The following TMEM14C variants were observed in gnomAD, a reference collection of about 807,000 sequenced individuals.
TMEM14C encodes the protein chromosome 6 open reading frame 53.
In TMEM14C, 13 loss-of-function variants were observed where a neutral mutation model predicts 14.8. The ratio of observed to expected loss-of-function variants is 0.88; its 90% CI spans 0.57 to 1.40. The LOEUF (loss-of-function observed/expected upper bound fraction) is 1.40. Ranked by LOEUF, TMEM14C falls within the 40% of genes most tolerant of loss-of-function variation. The pLI is 0.00. For synonymous variants in TMEM14C, 57 were observed against 51.3 expected, an observed-to-expected ratio of 1.11 and a Z score of -0.48; for missense variants, 142 against 138.8, an observed-to-expected ratio of 1.02 and a Z score of -0.12.
At chr6:10,729,957 G>T (rs1343329812) in intron 5 of TMEM14C, among the ~76,000 whole-genome samples, 3 of 152,096 alleles carry the variant, frequency 2.0e-5, no homozygotes, top group Admixed American at 6.6e-5. Flanking sequence ...AATTAGCCGG[G>T]CATGGTGGTG....
chr6:10,725,851 C>T (rs924943841), intron 3 of TMEM14C, 56 bp from the exon 4 acceptor site: 11 of 1,606,818 alleles, frequency 6.8e-6, no homozygotes, highest in African/African-American at 6.7e-5. Context: ...TGGGGGATTC[C>T]GTTAGTGAAA....
At chr6:10,724,496 G>A (rs1581597537) in intron 1 of TMEM14C, 74 bp from the exon 2 acceptor site, 2 of 974,198 alleles carry the variant, frequency 2.1e-6, no homozygotes, top group South Asian at 2.8e-5. Flanking sequence ...GTAGCTTGCA[G>A]GTTGGACACA....
chr6:10,727,055 T>A (rs11963326), intron 4 of TMEM14C, among the ~76,000 whole-genome samples: 3,773 of 152,238 alleles, frequency 0.025, 161 homozygotes, highest in African/African-American at 0.086. Flanking sequence ...TGAGCCTGCA[T>A]TTTCCCTTTC....
In TMEM14C at chr6:10,728,813, T is replaced by A. The variant is rs754530864; in HGVS notation, c.287+86T>A. 14 of 1,594,396 alleles carry A rather than the reference T, an allele frequency of 8.8e-6. No individual in the cohort carries two copies. In the South Asian group the frequency reaches 1.6e-4, roughly 18 times the overall value. On this transcript the variant is annotated intron_variant, in intron 5 of 5. Transcript: ENST00000229563. ...TTATGCATTCAAAACCTTACTTGTTTCAGGATATCTGATGCTATGTATCAA... is the reference window on the plus strand; with the variant it reads ...TTATGCATTCAAAACCTTACTTGTTACAGGATATCTGATGCTATGTATCAA...
At chr6:10,728,602 T>G in intron 4 of TMEM14C, 38 bp from the exon 5 acceptor site, 1 of 1,604,170 alleles carries the variant, frequency 6.2e-7, no homozygotes, top group Middle Eastern at 2.0e-4. Flanking sequence ...GTAGAAGATG[T>G]AATGAGTTTT....
rs914212948 is a variant in TMEM14C at position 10,723,211 on chromosome 6, C to T, written c.-75C>T. On this transcript the variant is annotated 5_prime_UTR_variant, in exon 1 of 6. Coordinates refer to ENST00000229563, the MANE Select transcript of TMEM14C (RefSeq NM_016462.4). ...CAGTCATTCCTGCGGCTTGCGCGCCCTTGTAGACAGCCGGGGCCTTCGTGA... is the reference window on the plus strand; with the variant it reads ...CAGTCATTCCTGCGGCTTGCGCGCCTTTGTAGACAGCCGGGGCCTTCGTGA... The T allele has an allele frequency of 6.6e-6, 1 of 152,306 alleles. No individual in the cohort carries two copies. Among genetic ancestry groups the T allele is most frequent in the African/African-American group, 2.4e-5 (1 of 41,476 alleles). 9.4% of individuals were successfully genotyped at this position (152,306 alleles called of 1,614,324 possible). A position where few individuals can be genotyped will look rare whatever the true frequency, so the allele number is the denominator to read the frequency against.
rs144942075 is a variant in TMEM14C, at chr6:10,725,976, C to A, written c.167C>A (p.Ser56Tyr). The A allele has an allele frequency of 1.0e-3, 1,684 of 1,614,138 alleles. 3 individuals carry two copies. Among genetic ancestry groups the A allele is most frequent in the Non-Finnish European group, 1.3e-3 (1,504 of 1,180,020 alleles). Residue 56 changes from serine (S) to tyrosine (Y), a missense_variant, in exon 4 of 6, where the codon TCT (serine) becomes TAT (tyrosine). Physicochemically the swap from Ser to Tyr is moderately radical, Grantham distance 144. Transcript: ENST00000229563. ...GCCGGCCTGGGTGCTTACCAGCTGT[C>A]TCAGGATCCAAGGAACGTTTGGGTT... ...SLAGLGAYQL[S>Y]QDPRNVWVFL... is the part of the protein sequence containing the mutation.
Position 10,725,951 on chromosome 6 carries a change from G to A in TMEM14C, c.142G>A (p.Ala48Thr). 6.2e-7 allele frequency: 1 copy of A among 1,614,116 alleles called. No homozygotes were observed. The highest frequency in any genetic ancestry group is 8.5e-7 in the Non-Finnish European group (1 of 1,180,020). Residue 48 changes from alanine to threonine, a missense_variant, in exon 4 of 6, where the codon GCC (alanine) becomes ACC (threonine). Coordinates refer to ENST00000229563, the MANE Select transcript of TMEM14C (RefSeq NM_016462.4). ...TGCAGGGCTGCTCTTTGGCAGTCTA[G>A]CCGGCCTGGGTGCTTACCAGCTGTC... ...LAAGLLFGSL[A>T]GLGAYQLSQD...
chr6:10,728,069 G>T (rs971676868), intron 4 of TMEM14C, among the ~76,000 whole-genome samples: 4 of 152,128 alleles, frequency 2.6e-5, no homozygotes, highest in African/African-American at 4.8e-5. Flanking sequence ...CCTGGAATGG[G>T]CCTTCCCATC....
At chr6:10,727,926 C>T (rs1288704143) in intron 4 of TMEM14C, among the ~76,000 whole-genome samples, 2 of 152,184 alleles carry the variant, frequency 1.3e-5, no homozygotes, top group African/African-American at 2.4e-5. Context: ...CCAGTATGGC[C>T]TTCAAGGCTC....
chr6:10,726,914 A>C (rs370945606), intron 4 of TMEM14C, among the ~76,000 whole-genome samples: 2 of 152,136 alleles, frequency 1.3e-5, no homozygotes, highest in Non-Finnish European at 2.9e-5. Flanking sequence ...GGGAGAAGCC[A>C]TGTGATCTGT....
Position 10,727,294 on chromosome 6 carries a change from G to A in TMEM14C, c.199+1286G>A, listed in dbSNP as rs139333868. Among the ~76,000 whole-genome samples the A allele has an allele frequency of 3.2e-3, 489 of 151,954 alleles. 5 individuals carry two copies. The East Asian group carries it at 0.037, about 11-fold the overall frequency. On this transcript the variant is annotated intron_variant, in intron 4 of 5. Transcript: ENST00000229563. ...CTTGTATTTGTATTCCTCCTTTTAG[G>A]TGGATCCCCGCATTGATATTCAGAT...
rs1236262262 is a variant in TMEM14C, at chr6:10,731,010, G to GA, written c.*351dup. ...CATTCCCTGCTCTGAGGAACAGTGT[G>GA]AAAAAAAGTCTTTTAGGAGATTTAC... On this transcript the variant is annotated 3_prime_UTR_variant, in exon 6 of 6. Coordinates refer to ENST00000229563, the MANE Select transcript of TMEM14C (RefSeq NM_016462.4). The GA allele has an allele frequency of 2.0e-6, 2 of 1,003,142 alleles. No homozygotes were observed. The highest frequency in any genetic ancestry group is 2.4e-6 in the Non-Finnish European group (2 of 841,898). 62.1% of individuals were successfully genotyped at this position (1,003,142 alleles called of 1,614,324 possible).
At position 10,724,823 on chromosome 6, in the gene TMEM14C, A is replaced by G; in HGVS notation, c.21-138A>G. On this transcript the variant is annotated intron_variant, in intron 2 of 5. Coordinates refer to ENST00000229563, the MANE Select transcript of TMEM14C (RefSeq NM_016462.4). Reference sequence around the variant, plus strand: ...CTTTGCTGAGTTGTGTGACTCTCAGAAAGTCATCCAACCTCTGTGGTCCTT... The same window carrying G: ...CTTTGCTGAGTTGTGTGACTCTCAGGAAGTCATCCAACCTCTGTGGTCCTT... The G allele has an allele frequency of 3.0e-6, 4 of 1,340,498 alleles. No individual in the cohort carries two copies. The South Asian group carries it at 4.9e-5, about 16-fold the overall frequency. 83.0% of individuals were successfully genotyped at this position (1,340,498 alleles called of 1,614,324 possible).
intron 4 of TMEM14C, among the ~76,000 whole-genome samples, chr6:10,727,827 T>TA (rs199534385): frequency 0.02 from 2,960 of 147,278 alleles, 37 homozygotes; most frequent in South Asian, 0.048. Context: ...TCTCAAAAAT[T>TA]AAAAAAAAAA....
chr6:10,724,665 G>A, intron 2 of TMEM14C, 32 bp downstream of exon 2: 1 of 1,607,232 alleles, frequency 6.2e-7, no homozygotes, highest in Non-Finnish European at 8.5e-7. Context: ...GGAGTAGCCA[G>A]GAGCTTCTGG....
At chr6:10,724,057 C>T (rs754169565) in intron 1 of TMEM14C, among the ~76,000 whole-genome samples, 4 of 152,152 alleles carry the variant, frequency 2.6e-5, no homozygotes, top group Non-Finnish European at 5.9e-5. Context: ...TTTATCCTCT[C>T]CTACTACTGC....
intron 1 of TMEM14C, among the ~76,000 whole-genome samples, chr6:10,723,698 C>T (rs1030509658): frequency 3.3e-5 from 5 of 150,476 alleles, no homozygotes; most frequent in Non-Finnish European, 5.9e-5. Flanking sequence ...CTCCTGGGCT[C>T]AAGCCATCCT....
In TMEM14C at chr6:10,726,027, C is replaced by T; in HGVS notation, c.199+19C>T. ...TTCCTAGGTATGTCTGCTTTGGCGT[C>T]TCCTTAGGGCAGCTATGTATCCAGA... On this transcript the variant is annotated intron_variant, in intron 4 of 5. Coordinates refer to ENST00000229563, the MANE Select transcript of TMEM14C (RefSeq NM_016462.4). 2 of 1,613,614 alleles carry T rather than the reference C, an allele frequency of 1.2e-6. No individual in the cohort carries two copies. Among genetic ancestry groups the T allele is most frequent in the Non-Finnish European group, 1.7e-6 (2 of 1,179,712 alleles).
Sources: allele counts gnomAD v4.1 joint callset (sites outside exome capture counted in the v4.1 genomes callset), GRCh38; gene constraint gnomAD v4.1.1; transcripts MANE v1.5; gene names NCBI Gene and HGNC (gene_info 2026-07-23, HGNC 2026-07-21).